The following PRPF6 variants were observed in gnomAD, a reference collection of about 807,000 sequenced individuals.
PRPF6 encodes the protein pre-mRNA-processing factor 6.
In PRPF6, 42 loss-of-function variants were observed where a neutral mutation model predicts 118.3. The ratio of observed to expected loss-of-function variants is 0.35; its 90% CI spans 0.28 to 0.46. The LOEUF (loss-of-function observed/expected upper bound fraction) is 0.46. Among genes scored for constraint, PRPF6 ranks in the 20% least tolerant of loss-of-function variants. The pLI is 1.00. For synonymous variants in PRPF6, 481 were observed against 485.1 expected, an observed-to-expected ratio of 0.99 and a Z score of 0.11; for missense variants, 662 against 1,255.7, an observed-to-expected ratio of 0.53 and a Z score of 7.15.
intron 3 of PRPF6, among the ~76,000 whole-genome samples, chr20:63,992,508 C>T (rs562757793): frequency 2.7e-4 from 41 of 152,242 alleles, no homozygotes; most frequent in African/African-American, 9.1e-4. Flanking sequence ...CTGCCCACCT[C>T]GGCCTCCCAA....
At chr20:63,990,091 T>C (rs2059111979) in intron 3 of PRPF6, among the ~76,000 whole-genome samples, 1 of 151,882 alleles carries the variant, frequency 6.6e-6, no homozygotes, top group Non-Finnish European at 1.5e-5. Flanking sequence ...TGACCCCAAG[T>C]GATCCACCCG....
intron 9 of PRPF6, among the ~76,000 whole-genome samples, chr20:64,002,832 C>T (rs189137189): frequency 8.3e-4 from 125 of 150,552 alleles, no homozygotes; most frequent in African/African-American, 2.9e-3. Context: ...TTAGTAGAGA[C>T]GGGGTTTCAC....
rs1375738785 is a variant in PRPF6 at position 63,999,715 on chromosome 20, G to A, written c.979G>A (p.Val327Ile). 2.5e-6 allele frequency: 4 copies of A among 1,614,096 alleles called. No individual in the cohort carries two copies. The highest frequency in any genetic ancestry group is 2.5e-6 in the Non-Finnish European group (3 of 1,180,050). The change falls in exon 8 of 21, where the codon GTA becomes ATA. Residue 327 changes from valine (V) to isoleucine (I), a missense_variant. Coordinates refer to ENST00000266079, the MANE Select transcript of PRPF6 (RefSeq NM_012469.4). The part of the protein sequence containing the change: ...RLEEVTGKLQ[V>I]ARNLIMKGTE... ...GGAAGAAGTCACTGGGAAGCTACAA[G>A]TAGCTCGGAACCTTATCATGAAGGG...
At chr20:63,982,203 T>C (rs2059072430) in intron 1 of PRPF6, among the ~76,000 whole-genome samples, 2 of 152,114 alleles carry the variant, frequency 1.3e-5, no homozygotes, top group Non-Finnish European at 2.9e-5. Context: ...GACAAAGTCT[T>C]GTTCTGTCGC....
chr20:64,013,836 T>G (rs2059226128), intron 11 of PRPF6, among the ~76,000 whole-genome samples: 1 of 152,218 alleles, frequency 6.6e-6, no homozygotes, highest in Admixed American at 6.6e-5. Flanking sequence ...AGCTATGCGC[T>G]ATCACCACAA....
chr20:64,021,888 C>CTGTG (rs71800785), intron 12 of PRPF6, among the ~76,000 whole-genome samples: 49 of 110,884 alleles, frequency 4.4e-4, no homozygotes, highest in African/African-American at 1.6e-3. Context: ...AGCCCCGTGT[C>CTGTG]TGTGTGTGTG....
In PRPF6 at chr20:64,026,840, A is replaced by T; in HGVS notation, c.2029-142A>T. 1.2e-6 allele frequency: 1 copy of T among 851,686 alleles called. No homozygotes were observed. Among genetic ancestry groups the T allele is most frequent in the Non-Finnish European group, 1.9e-6 (1 of 522,062 alleles). The allele number at this position is 851,686 out of a possible 1,614,324, so 52.8% of individuals were successfully genotyped here. A position where few individuals can be genotyped will look rare whatever the true frequency, so the allele number is the denominator to read the frequency against. On this transcript the variant is annotated intron_variant, in intron 15 of 20. Transcript: ENST00000266079. The surrounding 1 kb of genome is among the most constrained non-coding windows in gnomAD (Gnocchi z 4.4). Reference sequence around the variant, plus strand: ...AAAACAAAAACATATATTTATCCCCACCTTTTGTGTACACAAACAGGCTAT... The same window carrying T: ...AAAACAAAAACATATATTTATCCCCTCCTTTTGTGTACACAAACAGGCTAT...
At chr20:64,008,228 G>A (rs529614863) in intron 9 of PRPF6, among the ~76,000 whole-genome samples, 31 of 152,312 alleles carry the variant, frequency 2.0e-4, no homozygotes, top group African/African-American at 5.3e-4. Flanking sequence ...GAACATTGCC[G>A]TTTGGTTGAT....
chr20:64,029,269 G>A lies in PRPF6; in HGVS notation c.2432-108G>A. The A allele has an allele frequency of 1.1e-6, 1 of 914,954 alleles. No individual in the cohort carries two copies. Among genetic ancestry groups the A allele is most frequent in the Admixed American group, 1.7e-5 (1 of 57,324 alleles). 56.7% of individuals were successfully genotyped at this position (914,954 alleles called of 1,614,324 possible). On this transcript the variant is annotated intron_variant, in intron 18 of 20. Transcript: ENST00000266079. The surrounding 1 kb of genome is among the most constrained non-coding windows in gnomAD (Gnocchi z 4.8). ...AAGTTCTGCGAGCCGTGTGTGGGAG[G>A]CCCCTGTCGTGGTCTGAGGACGTCC...
intron 8 of PRPF6, among the ~76,000 whole-genome samples, chr20:63,999,973 A>ACGGAGTCT (rs1355106415): frequency 7.0e-6 from 1 of 142,688 alleles, no homozygotes; most frequent in East Asian, 2.1e-4. Flanking sequence ...TTTTTTGGAG[A>ACGGAGTCT]CGGAGTCTCG....
chr20:64,007,053 C>A (rs1404145016), intron 9 of PRPF6, among the ~76,000 whole-genome samples: 1 of 152,200 alleles, frequency 6.6e-6, no homozygotes, highest in African/African-American at 2.4e-5. Context: ...TCAGTGTGGG[C>A]TGAGGGAGGA....
chr20:64,029,634 C>A lies in PRPF6; in HGVS notation c.2546+143C>A. On this transcript the variant is annotated intron_variant, in intron 19 of 20. Transcript: ENST00000266079. The surrounding 1 kb of genome is among the most constrained non-coding windows in gnomAD (Gnocchi z 4.8). ...CGATCCTCGGCTGCCGTCGCTCCTG[C>A]TGTGGTCTGGGGCAGGCGCCTCTCC... 1 of 754,128 alleles carries A rather than the reference C, an allele frequency of 1.3e-6. No homozygotes were observed. Among genetic ancestry groups the A allele is most frequent in the Non-Finnish European group, 2.2e-6 (1 of 445,786 alleles). 46.7% of individuals were successfully genotyped at this position (754,128 alleles called of 1,614,324 possible). A position where few individuals can be genotyped will look rare whatever the true frequency, so the allele number is the denominator to read the frequency against.
chr20:63,999,213 C>A, intron 7 of PRPF6, 74 bp downstream of exon 7: 3 of 1,228,288 alleles, frequency 2.4e-6, no homozygotes, highest in Non-Finnish European at 3.6e-6. Flanking sequence ...TTTATATGGA[C>A]AGTATGCTGT....
At chr20:63,990,792 G>T (rs2059115433) in intron 3 of PRPF6, among the ~76,000 whole-genome samples, 1 of 152,010 alleles carries the variant, frequency 6.6e-6, no homozygotes, top group East Asian at 1.9e-4. Context: ...TTACAGGCAT[G>T]CACCGCCACG....
At chr20:64,021,994 G>A (rs1400075890) in intron 12 of PRPF6, among the ~76,000 whole-genome samples, 1 of 141,392 alleles carries the variant, frequency 7.1e-6, no homozygotes, top group Non-Finnish European at 1.5e-5. Flanking sequence ...AGCCCTGTGT[G>A]TGTGTGTGTG....
intron 3 of PRPF6, among the ~76,000 whole-genome samples, chr20:63,993,072 T>C (rs548965763): frequency 2.0e-5 from 3 of 151,380 alleles, no homozygotes; most frequent in Non-Finnish European, 4.4e-5. Flanking sequence ...AAAAATTAGC[T>C]GGGAGTGGTG....
chr20:63,999,000 C>T (rs752562759), intron 6 of PRPF6, 45 bp from the exon 7 acceptor site: 14 of 1,485,432 alleles, frequency 9.4e-6, no homozygotes, highest in Non-Finnish European at 1.1e-5. Flanking sequence ...CTTTGTTTTG[C>T]ACCTGGTCAT....
Position 64,011,576 on chromosome 20 carries a change from C to T in PRPF6, c.1524+73C>T. The T allele has an allele frequency of 1.3e-6, 2 of 1,487,590 alleles. No homozygotes were observed. Among genetic ancestry groups the T allele is most frequent in the East Asian group, 4.9e-5 (2 of 40,730 alleles). 92.1% of individuals were successfully genotyped at this position (1,487,590 alleles called of 1,614,324 possible). A position where few individuals can be genotyped will look rare whatever the true frequency, so the allele number is the denominator to read the frequency against. On this transcript the variant is annotated intron_variant, in intron 11 of 20. Coordinates refer to ENST00000266079, the MANE Select transcript of PRPF6 (RefSeq NM_012469.4). This position sits in a 1 kb window ranked among gnomAD's most constrained non-coding sequence, Gnocchi z 6.7. ...CAGCACGTGAGAGTCCCACGCAGGA[C>T]TGGGGGTTGCTGGATGGTACTGGGG...
chr20:64,032,145 C>T lies in PRPF6; in HGVS notation c.2673+101C>T. 2.5e-6 allele frequency: 4 copies of T among 1,574,040 alleles called. No homozygotes were observed. The Admixed American group carries it at 6.7e-5, about 26-fold the overall frequency. On this transcript the variant is annotated intron_variant, in intron 20 of 20. Transcript: ENST00000266079. ...TAGGAGGTGGCCACGGCCAGCGTGA[C>T]TCTGCCCGGGGTCGGGAGGATGGAC...
Sources: gnomAD v4.1 joint callset for allele counts (sites outside exome capture counted in the v4.1 genomes callset) on GRCh38, gnomAD v4.1.1 for gene constraint, Gnocchi (gnomAD v3.1) non-coding constraint, MANE v1.5 for transcripts, NCBI Gene and HGNC (gene_info 2026-07-23, HGNC 2026-07-21) for gene names.